Variants in NTN1 observed in about 807,000 individuals in gnomAD.
NTN1 encodes netrin-1.
A neutral mutation model predicts 54.2 loss-of-function variants in NTN1; 11 were observed. That is an observed-to-expected ratio of 0.20 (90% CI 0.13 to 0.34). The LOEUF is 0.34. Ranked by LOEUF, NTN1 falls within the 10% of genes least tolerant of loss-of-function variation. The pLI is 1.00. For missense variants in NTN1, 740 were observed against 893.1 expected, an observed-to-expected ratio of 0.83 and a Z score of 2.18; for synonymous variants, 371 against 382.0, an observed-to-expected ratio of 0.97 and a Z score of 0.33.
upstream of NTN1, among the ~76,000 whole-genome samples, chr17:9,016,859 G>C (rs1013081534): frequency 6.6e-5 from 10 of 152,220 alleles, no homozygotes; most frequent in Non-Finnish European, 1.2e-4. Flanking sequence ...AAGAGGGCAT[G>C]TGTGTCTCAT....
the NTN1 span, among the ~76,000 whole-genome samples, chr17:9,007,341 CTT>C: frequency 8.1e-6 from 1 of 123,018 alleles, no homozygotes; most frequent in Admixed American, 8.7e-5. Context: ...TTTTTTCTTT[CTT>C]TCTCTTTCTC....
At position 9,211,886 on chromosome 17, in the gene NTN1, T is replaced by G. The variant is rs570426626; in HGVS notation, c.1412-9282T>G. On this transcript the variant is annotated intron_variant, in intron 5 of 6. Transcript: ENST00000173229. The surrounding 1 kb of genome is among the most constrained non-coding windows in gnomAD (Gnocchi z 4.4). ...TGGTTGCTGTCTTTTTCTTAGTGAT[T>G]CAGAAGAGTTCTTTATATGTGAAAG... is the stretch of plus-strand genomic sequence containing the variant. Among the ~76,000 whole-genome samples, 1 of 152,240 alleles carries G rather than the reference T, an allele frequency of 6.6e-6. No individual in the cohort carries two copies. The highest frequency in any genetic ancestry group is 1.5e-5 in the Non-Finnish European group (1 of 68,044).
At chr17:9,220,401 C>T (rs1033733637) in intron 5 of NTN1, among the ~76,000 whole-genome samples, 13 of 152,252 alleles carry the variant, frequency 8.5e-5, no homozygotes, top group African/African-American at 3.1e-4. Flanking sequence ...ATTGTGTCTC[C>T]TTGTTCAAAG....
At chr17:9,032,204 G>A (rs1002105584) in intron 2 of NTN1, among the ~76,000 whole-genome samples, 17 of 152,146 alleles carry the variant, frequency 1.1e-4, no homozygotes, top group African/African-American at 4.1e-4. Context: ...CCTGTACCAC[G>A]AAAGGATTGG....
chr17:9,087,897 T>C (rs2092094806), intron 2 of NTN1, among the ~76,000 whole-genome samples: 1 of 152,232 alleles, frequency 6.6e-6, no homozygotes, highest in African/African-American at 2.4e-5. Flanking sequence ...AGTCCTCCAC[T>C]GAGTGCTCCT....
chr17:9,197,263 C>T (rs900407684), intron 5 of NTN1, among the ~76,000 whole-genome samples: 1 of 152,036 alleles, frequency 6.6e-6, no homozygotes, highest in African/African-American at 2.4e-5. Context: ...CCGGTATTTC[C>T]ACTTTACCAC....
intron 1 of NTN1, among the ~76,000 whole-genome samples, 182 bp from the exon 2 acceptor site, chr17:9,022,129 G>A (rs1298005924): frequency 6.6e-6 from 1 of 152,184 alleles, no homozygotes; most frequent in Non-Finnish European, 1.5e-5. Context: ...GGGCGCGAGC[G>A]GTGCGGACTT....
intron 5 of NTN1, among the ~76,000 whole-genome samples, chr17:9,204,242 CTG>C (rs1904899937): frequency 7.5e-6 from 1 of 132,792 alleles, no homozygotes; most frequent in Non-Finnish European, 1.6e-5. Flanking sequence ...TTCTCTTCCT[CTG>C]TTTCTCTCTC....
chr17:9,218,762 C>T (rs1406635983), intron 5 of NTN1, among the ~76,000 whole-genome samples: 1 of 152,184 alleles, frequency 6.6e-6, no homozygotes, highest in Non-Finnish European at 1.5e-5. Flanking sequence ...CTCGGAAGAG[C>T]TGACATGCTC....
chr17:9,015,227 A>G, the NTN1 span, among the ~76,000 whole-genome samples: 1 of 152,102 alleles, frequency 6.6e-6, no homozygotes, highest in Admixed American at 6.5e-5. Flanking sequence ...CCTGGCCAAT[A>G]TGGTGAAACC....
intron 2 of NTN1, among the ~76,000 whole-genome samples, chr17:9,103,342 C>G (rs1466247839): frequency 1.3e-5 from 2 of 152,150 alleles, no homozygotes; most frequent in Non-Finnish European, 2.9e-5. Context: ...TGTCCCCACC[C>G]AAGTTTCATC....
At chr17:9,152,754 G>T (rs1323591317) in intron 2 of NTN1, among the ~76,000 whole-genome samples, 1 of 152,178 alleles carries the variant, frequency 6.6e-6, no homozygotes, top group Non-Finnish European at 1.5e-5. Flanking sequence ...GACTTTTAGG[G>T]CCAGAAAATA....
At chr17:9,131,815 C>G (rs1305260286) in intron 2 of NTN1, among the ~76,000 whole-genome samples, 1 of 150,898 alleles carries the variant, frequency 6.6e-6, no homozygotes, top group African/African-American at 2.4e-5. Flanking sequence ...TTATTATTAT[C>G]ATTTTTAAGA....
At chr17:9,158,893 C>G (rs1362995150) in intron 2 of NTN1, among the ~76,000 whole-genome samples, 1 of 152,228 alleles carries the variant, frequency 6.6e-6, no homozygotes, top group Non-Finnish European at 1.5e-5. Flanking sequence ...TGGCTGCTTT[C>G]AGACTTCAGG....
chr17:9,191,698 T>TA (rs1409653586), intron 5 of NTN1, among the ~76,000 whole-genome samples: 1 of 151,806 alleles, frequency 6.6e-6, no homozygotes, highest in Non-Finnish European at 1.5e-5. Context: ...GCATTAAACT[T>TA]ACTAGTAATA....
chr17:9,069,070 T>C (rs576056456), intron 2 of NTN1, among the ~76,000 whole-genome samples: 1 of 152,322 alleles, frequency 6.6e-6, no homozygotes, highest in East Asian at 1.9e-4. Flanking sequence ...TTCCTATCCT[T>C]GCAAATAGCC....
rs552151080 is a variant in NTN1, at chr17:9,211,653, C to T, written c.1412-9515C>T. ...TTTGACACTCAATGCCAGCCACGCT[C>T]GGGAAAGTTCATATTTTAATCTGTG... On this transcript the variant is annotated intron_variant, in intron 5 of 6. Transcript: ENST00000173229. The surrounding 1 kb of genome is among the most constrained non-coding windows in gnomAD (Gnocchi z 4.4). Among the ~76,000 whole-genome samples, 165 of 152,218 alleles carry T rather than the reference C, an allele frequency of 1.1e-3. 3 individuals are homozygous for T. Among genetic ancestry groups the T allele is most frequent in the African/African-American group, 3.6e-3 (151 of 41,532 alleles).
chr17:9,172,433 C>G (rs1033747272), intron 3 of NTN1, among the ~76,000 whole-genome samples: 11 of 151,376 alleles, frequency 7.3e-5, no homozygotes, highest in Admixed American at 6.6e-4. Context: ...GAGCCGAGAT[C>G]ACACCACTGC....
chr17:9,140,962 G>T (rs2092295944), intron 2 of NTN1, among the ~76,000 whole-genome samples: 1 of 152,184 alleles, frequency 6.6e-6, no homozygotes, highest in Non-Finnish European at 1.5e-5. Flanking sequence ...AGGGGAGTGG[G>T]CGGTGACAGT....
Sources: allele counts gnomAD v4.1 joint callset (sites outside exome capture counted in the v4.1 genomes callset), GRCh38; gene constraint gnomAD v4.1.1; non-coding constraint Gnocchi (gnomAD v3.1); transcripts MANE v1.5; gene names NCBI Gene and HGNC (gene_info 2026-07-23, HGNC 2026-07-21).